Variants in TENM4 observed in about 807,000 individuals in gnomAD.
TENM4 encodes teneurin transmembrane protein 4, also known as teneurin-4.
A neutral mutation model predicts 243.3 loss-of-function variants in TENM4; 82 were observed. That is an observed-to-expected ratio of 0.34 (90% CI 0.28 to 0.40). The LOEUF (loss-of-function observed/expected upper bound fraction) is 0.40, where lower values mean the gene tolerates loss of function less well. TENM4 is among the 10% of genes least tolerant of loss of function. The pLI, the probability that TENM4 is intolerant of heterozygous loss-of-function variation, is 1.00. For synonymous variants in TENM4, 1,412 were observed against 1,456.3 expected, an observed-to-expected ratio of 0.97 and a Z score of 0.69; for missense variants, 3,138 against 3,673.3, an observed-to-expected ratio of 0.85 and a Z score of 3.77.
In TENM4 at chr11:78,885,928, CACAA is replaced by C. The variant is rs772886607; in HGVS notation, c.1084+3853_1084+3856del. On this transcript the variant is annotated intron_variant, in intron 9 of 33. Coordinates refer to ENST00000278550, the MANE Select transcript of TENM4 (RefSeq NM_001098816.3). The stretch of plus-strand genomic sequence containing the variant: ...TGACAGAGTGAGACCCCCATCTCTA[CACAA>C]ACAAACAAACAAACAAACTAAATGT... Among the ~76,000 whole-genome samples the C allele has an allele frequency of 5.3e-5, 8 of 152,028 alleles. No homozygotes were observed. In the East Asian group the frequency reaches 1.4e-3, roughly 26 times the overall value.
chr11:79,070,034 G>A, intron 4 of TENM4, 25 bp from the exon 5 acceptor site: 1 of 1,477,784 alleles, frequency 6.8e-7, no homozygotes, highest in East Asian at 2.5e-5. Context: ...ACCAAAGATA[G>A]GGCGTGAGAG....
intron 1 of TENM4, among the ~76,000 whole-genome samples, chr11:79,352,182 T>C (rs1857425573): frequency 6.6e-6 from 1 of 152,204 alleles, no homozygotes; most frequent in African/African-American, 2.4e-5. Flanking sequence ...TGTCTCACCC[T>C]TTCCCTGTCC....
intron 4 of TENM4, among the ~76,000 whole-genome samples, chr11:79,143,219 A>T (rs190075330): frequency 0.015 from 2,288 of 152,272 alleles, 55 homozygotes; most frequent in East Asian, 0.073. Context: ...ATAAAGACAC[A>T]TGCACACGTA....
intron 23 of TENM4, among the ~76,000 whole-genome samples, chr11:78,723,538 T>C (rs772402448): frequency 6.6e-6 from 1 of 152,356 alleles, no homozygotes; most frequent in East Asian, 1.9e-4. Context: ...TTGTTATTAA[T>C]GGGCTGATCC....
At chr11:78,747,304 T>A (rs986135690) in intron 19 of TENM4, among the ~76,000 whole-genome samples, 1 of 152,140 alleles carries the variant, frequency 6.6e-6, no homozygotes, top group African/African-American at 2.4e-5. Flanking sequence ...AGGGCAAGGT[T>A]TGAGTCCTTT....
At chr11:78,847,076 C>T (rs1858413220) in intron 12 of TENM4, among the ~76,000 whole-genome samples, 1 of 152,164 alleles carries the variant, frequency 6.6e-6, no homozygotes, top group Non-Finnish European at 1.5e-5. Context: ...CAGACATAAG[C>T]CCCGGAACTA....
chr11:79,102,051 C>T (rs1861246361), intron 4 of TENM4, among the ~76,000 whole-genome samples: 1 of 152,186 alleles, frequency 6.6e-6, no homozygotes, highest in South Asian at 2.1e-4. Flanking sequence ...CTTAACTTCT[C>T]CATGCCCCAG....
rs1371549954 is a variant in TENM4, at chr11:78,848,910, G to C, written c.1681+5194C>G. On this transcript the variant is annotated intron_variant, in intron 12 of 33. Coordinates refer to ENST00000278550, the MANE Select transcript of TENM4 (RefSeq NM_001098816.3). ...AATCCCTGGACATAAAGAACAGACT[G>C]ATTTACAGCAACCACCTGGATACGA... Among the ~76,000 whole-genome samples the C allele has an allele frequency of 2.0e-5, 3 of 152,184 alleles. No homozygotes were observed. The East Asian group carries it at 5.8e-4, about 29-fold the overall frequency.
chr11:79,241,645 G>A (rs1855419166), intron 2 of TENM4, among the ~76,000 whole-genome samples: 1 of 152,184 alleles, frequency 6.6e-6, no homozygotes, highest in Non-Finnish European at 1.5e-5. Flanking sequence ...CCCACTCATT[G>A]TAGCCTGTCA....
intron 2 of TENM4, among the ~76,000 whole-genome samples, chr11:79,260,944 A>G (rs1855785521): frequency 6.6e-6 from 1 of 152,242 alleles, no homozygotes; most frequent in Admixed American, 6.5e-5. Context: ...TCCTGAGCTC[A>G]GAATTTCTTC....
intron 4 of TENM4, chr11:79,096,598 C>T (rs924475815): frequency 8.8e-5 from 13 of 147,686 alleles, no homozygotes; most frequent in South Asian, 4.2e-4. Context: ...AGGACAGGAA[C>T]GCAGCTGTCT....
intron 4 of TENM4, among the ~76,000 whole-genome samples, chr11:79,071,049 C>T (rs138416429): frequency 6.1e-4 from 93 of 152,288 alleles, no homozygotes; most frequent in African/African-American, 2.2e-3. Context: ...GCCCTTTCTC[C>T]TCTTTTCCCC....
chr11:79,325,018 G>C (rs1856950762), intron 1 of TENM4, among the ~76,000 whole-genome samples: 1 of 152,176 alleles, frequency 6.6e-6, no homozygotes, highest in Non-Finnish European at 1.5e-5. Context: ...AGGTTTTTCT[G>C]AGAAGGAGGA....
rs182132480 is a variant in TENM4 at position 78,931,947 on chromosome 11, T to C, written c.494-28424A>G. On this transcript the variant is annotated intron_variant, in intron 6 of 33. Coordinates refer to ENST00000278550, the MANE Select transcript of TENM4 (RefSeq NM_001098816.3). ...ATTTGAGGCTGCAGTGAGCCATGAT[T>C]GCACCACTGCACTCCAGCCTGCGCC... Among the ~76,000 whole-genome samples the C allele has an allele frequency of 2.3e-3, 354 of 152,240 alleles. 1 individual carries two copies. The highest frequency in any genetic ancestry group is 8.3e-3 in the African/African-American group (343 of 41,540).
chr11:78,983,471 G>T (rs914025272), intron 6 of TENM4, among the ~76,000 whole-genome samples: 10 of 152,236 alleles, frequency 6.6e-5, no homozygotes, highest in Non-Finnish European at 1.2e-4. Flanking sequence ...TCATCCATTC[G>T]ACGACACATT....
chr11:78,999,139 AAT>A (rs1174753932), intron 6 of TENM4, among the ~76,000 whole-genome samples: 2 of 152,178 alleles, frequency 1.3e-5, no homozygotes, highest in Admixed American at 6.5e-5. Flanking sequence ...ACAAGAAAAA[AAT>A]CAAGTGATTA....
rs1420740889 is a variant in TENM4, at chr11:78,658,040, A to C, written c.*18T>G. On this transcript the variant is annotated 3_prime_UTR_variant, in exon 34 of 34. Transcript: ENST00000278550. Reference sequence around the variant, plus strand: ...AAAAGAGTAGCTGTCTTTGGCAAGAAGTCCTTGGTCCTCTCTGTCACCTCC... The same window carrying C: ...AAAAGAGTAGCTGTCTTTGGCAAGACGTCCTTGGTCCTCTCTGTCACCTCC... 1 of 1,614,036 alleles carries C rather than the reference A, an allele frequency of 6.2e-7. No homozygotes were observed. Among genetic ancestry groups the C allele is most frequent in the Admixed American group, 1.7e-5 (1 of 60,036 alleles).
intron 9 of TENM4, among the ~76,000 whole-genome samples, chr11:78,889,036 A>C (rs1855605676): frequency 6.6e-6 from 1 of 152,216 alleles, no homozygotes; most frequent in Non-Finnish European, 1.5e-5. Flanking sequence ...AAGGGGTCAG[A>C]CTGTGTTACA....
At chr11:79,209,122 A>G (rs988085125) in intron 3 of TENM4, among the ~76,000 whole-genome samples, 3 of 152,250 alleles carry the variant, frequency 2.0e-5, no homozygotes, top group African/African-American at 7.2e-5. Context: ...ATTTGGAAAT[A>G]AACTAGCATT....
Sources: gnomAD v4.1 joint callset for allele counts (sites outside exome capture counted in the v4.1 genomes callset) on GRCh38, gnomAD v4.1.1 for gene constraint, MANE v1.5 for transcripts, NCBI Gene and HGNC (gene_info 2026-07-23, HGNC 2026-07-21) for gene names.